The following PRKG1 variants were observed in gnomAD, a reference collection of about 807,000 sequenced individuals.
PRKG1 encodes the protein cGMP-dependent protein kinase 1.
In PRKG1, 35 loss-of-function variants were observed where a neutral mutation model predicts 88.1. That is an observed-to-expected ratio of 0.40 (90% confidence interval 0.30 to 0.53). The LOEUF (loss-of-function observed/expected upper bound fraction) is 0.53, where lower values mean the gene tolerates loss of function less well. PRKG1 is among the 20% of genes least tolerant of loss of function. The pLI is 0.59. For synonymous variants in PRKG1, 303 were observed against 292.5 expected (o/e 1.04, Z -0.37); for missense variants, 540 against 839.8 (o/e 0.64, Z 4.41).
At chr10:51,272,486 C>G (rs1315078105) in intron 2 of PRKG1, among the ~76,000 whole-genome samples, 1 of 151,434 alleles carries the variant, frequency 6.6e-6, no homozygotes, top group East Asian at 2.0e-4. Flanking sequence ...GCACATGTAT[C>G]CCAGAACTTA....
At chr10:51,160,683 G>A (rs1846335690) in intron 2 of PRKG1, among the ~76,000 whole-genome samples, 1 of 152,120 alleles carries the variant, frequency 6.6e-6, no homozygotes, top group African/African-American at 2.4e-5. Flanking sequence ...GTATGAATGA[G>A]GTTGTGACTA....
At chr10:52,206,038 CT>C (rs1474729906) in intron 9 of PRKG1, among the ~76,000 whole-genome samples, 2 of 152,194 alleles carry the variant, frequency 1.3e-5, no homozygotes, top group Non-Finnish European at 2.9e-5. Context: ...CTCTCCCTCT[CT>C]TTCAGGGATT....
chr10:51,240,153 A>T (rs1233207502), intron 2 of PRKG1, among the ~76,000 whole-genome samples: 1 of 152,186 alleles, frequency 6.6e-6, no homozygotes, highest in Non-Finnish European at 1.5e-5. Flanking sequence ...CTGCAGAATG[A>T]GTGGACTGTG....
At chr10:52,129,319 C>T (rs1837192598) in intron 7 of PRKG1, among the ~76,000 whole-genome samples, 1 of 152,090 alleles carries the variant, frequency 6.6e-6, no homozygotes, top group African/African-American at 2.4e-5. Context: ...ATTTGCTTTA[C>T]CATGGTCCTT....
intron 5 of PRKG1, among the ~76,000 whole-genome samples, chr10:52,014,382 A>G (rs1167301742): frequency 6.6e-6 from 1 of 152,066 alleles, no homozygotes; most frequent in Non-Finnish European, 1.5e-5. Flanking sequence ...ATCCCATGAG[A>G]ACTCATGCAC....
chr10:51,651,978 A>C (rs1254869930), intron 3 of PRKG1, among the ~76,000 whole-genome samples: 1 of 152,224 alleles, frequency 6.6e-6, no homozygotes, highest in Non-Finnish European at 1.5e-5. Context: ...TTCCATAAAT[A>C]CTTAAATTGA....
chr10:51,491,296 T>C (rs893297538), intron 3 of PRKG1, among the ~76,000 whole-genome samples: 1 of 152,096 alleles, frequency 6.6e-6, no homozygotes, highest in African/African-American at 2.4e-5. Context: ...CCAACCACTT[T>C]GAGATACACT....
chr10:51,793,773 G>A (rs1838934231), intron 3 of PRKG1, among the ~76,000 whole-genome samples: 1 of 151,994 alleles, frequency 6.6e-6, no homozygotes, highest in South Asian at 2.1e-4. Flanking sequence ...ATACATTTTT[G>A]TTTTTTGAGA....
intron 3 of PRKG1, among the ~76,000 whole-genome samples, chr10:51,659,015 A>G (rs540083812): frequency 1.3e-5 from 2 of 152,284 alleles, no homozygotes; most frequent in South Asian, 2.1e-4. Context: ...GTTTTTCAAA[A>G]TGAGATCACC....
intron 3 of PRKG1, among the ~76,000 whole-genome samples, chr10:51,752,640 C>A (rs1289117562): frequency 6.6e-6 from 1 of 152,114 alleles, no homozygotes; most frequent in Non-Finnish European, 1.5e-5. Flanking sequence ...AACATTTAAC[C>A]ATACCAGGCC....
chr10:51,151,510 G>A (rs973137080), intron 1 of PRKG1, among the ~76,000 whole-genome samples: 1 of 151,494 alleles, frequency 6.6e-6, no homozygotes, highest in African/African-American at 2.4e-5. Context: ...TTTTTGAGGT[G>A]TCAGGGCTAG....
intron 5 of PRKG1, among the ~76,000 whole-genome samples, chr10:51,955,425 A>G (rs2339896): frequency 0.25 from 37,338 of 152,076 alleles, 5,287 homozygotes; most frequent in East Asian, 0.65. Flanking sequence ...TTTCATATGT[A>G]CTATACTTTT....
chr10:51,125,451 G>A (rs1005947859), intron 1 of PRKG1, among the ~76,000 whole-genome samples: 1 of 150,574 alleles, frequency 6.6e-6, no homozygotes, highest in African/African-American at 2.4e-5. Context: ...ATTTTAGGAG[G>A]CCAAGTTGGG....
At chr10:52,066,545 A>G (rs7917109) in intron 7 of PRKG1, among the ~76,000 whole-genome samples, 26,263 of 152,014 alleles carry the variant, frequency 0.17, 2,849 homozygotes, top group South Asian at 0.28. Context: ...CAGGACTTGA[A>G]TTTGCCTGGC....
intron 2 of PRKG1, among the ~76,000 whole-genome samples, chr10:51,463,686 G>A (rs10823041): frequency 0.37 from 56,128 of 152,110 alleles, 10,740 homozygotes; most frequent in African/African-American, 0.46. Context: ...ATTTGTAAAT[G>A]TGTAATCACT....
intron 3 of PRKG1, among the ~76,000 whole-genome samples, chr10:51,518,545 CA>C (rs1321270753): frequency 6.6e-6 from 1 of 152,080 alleles, no homozygotes; most frequent in Non-Finnish European, 1.5e-5. Context: ...CCATTATCTT[CA>C]ATATAAAACA....
chr10:52,070,459 T>C, intron 7 of PRKG1, among the ~76,000 whole-genome samples: 1 of 152,246 alleles, frequency 6.6e-6, no homozygotes, highest in East Asian at 1.9e-4. Context: ...TTAATGTAGG[T>C]ACAGATATAT....
chr10:51,229,615 A>G (rs1319286201), intron 2 of PRKG1, among the ~76,000 whole-genome samples: 1 of 152,102 alleles, frequency 6.6e-6, no homozygotes, highest in Admixed American at 6.5e-5. Context: ...TAAAAATGGG[A>G]CTAAAAGCTT....
intron 1 of PRKG1, among the ~76,000 whole-genome samples, chr10:51,002,045 CAA>C (rs10589250): frequency 0.89 from 135,743 of 151,944 alleles, 60,784 homozygotes; most frequent in African/African-American, 0.95. Flanking sequence ...AATAGAGAAA[CAA>C]AGAGTACAGT....
Sources: allele counts gnomAD v4.1 joint callset (sites outside exome capture counted in the v4.1 genomes callset), GRCh38; gene constraint gnomAD v4.1.1; transcripts MANE v1.5; gene names NCBI Gene and HGNC (gene_info 2026-07-23, HGNC 2026-07-21).